The following SEMA6D variants were observed in gnomAD, a reference collection of about 807,000 sequenced individuals.
SEMA6D encodes the protein semaphorin 6D.
Under a neutral mutation model 106.6 loss-of-function variants are expected in SEMA6D, and 35 were observed. That is an observed-to-expected ratio of 0.33 (90% confidence interval 0.25 to 0.44). The LOEUF is 0.44. Among genes scored for constraint, SEMA6D ranks in the 20% least tolerant of loss-of-function variants. The pLI is 1.00. For missense variants in SEMA6D, 1,185 were observed against 1,345.9 expected, an observed-to-expected ratio of 0.88 and a Z score of 1.87; for synonymous variants, 499 against 487.7, an observed-to-expected ratio of 1.02 and a Z score of -0.31.
intron 3 of SEMA6D, among the ~76,000 whole-genome samples, chr15:47,527,141 A>G (rs1490334994): frequency 6.6e-6 from 1 of 152,228 alleles, no homozygotes; most frequent in Non-Finnish European, 1.5e-5. Context: ...CAAACACTTT[A>G]AAGTCCTGTG....
intron 1 of SEMA6D, among the ~76,000 whole-genome samples, chr15:47,232,577 G>A (rs960771885): frequency 6.0e-5 from 9 of 151,098 alleles, no homozygotes; most frequent in Admixed American, 5.3e-4. Context: ...AGCCAAGCTA[G>A]TGGGTATAAA....
intron 1 of SEMA6D, among the ~76,000 whole-genome samples, chr15:47,334,180 G>C (rs906195609): frequency 2.6e-5 from 4 of 152,064 alleles, no homozygotes; most frequent in African/African-American, 4.8e-5. Flanking sequence ...CCTGGAGGGT[G>C]GTGCACCCAG....
intron 1 of SEMA6D, among the ~76,000 whole-genome samples, chr15:47,219,994 C>G (rs544549323): frequency 1.3e-5 from 2 of 152,300 alleles, no homozygotes; most frequent in African/African-American, 4.8e-5. Context: ...CAGGTTCACA[C>G]AGGTTTGTTC....
At chr15:47,378,063 G>A (rs1305937612) in intron 1 of SEMA6D, among the ~76,000 whole-genome samples, 1 of 152,146 alleles carries the variant, frequency 6.6e-6, no homozygotes, top group Non-Finnish European at 1.5e-5. Context: ...CAGCTTGATT[G>A]GTAACAGAAA....
intron 1 of SEMA6D, among the ~76,000 whole-genome samples, chr15:47,213,319 G>T (rs2030226508): frequency 6.6e-6 from 1 of 152,128 alleles, no homozygotes; most frequent in East Asian, 1.9e-4. Flanking sequence ...TGGCTACAGA[G>T]GTGAATTTTT....
At chr15:47,506,939 A>G (rs1047367328) in intron 3 of SEMA6D, among the ~76,000 whole-genome samples, 14 of 151,888 alleles carry the variant, frequency 9.2e-5, no homozygotes, top group South Asian at 2.1e-4. Context: ...GTCAGGCTTT[A>G]GGCATCTACA....
Position 47,227,419 on chromosome 15 carries a change from C to CTCTTTCTTTCTT in SEMA6D, c.-239+43011_-239+43022dup, listed in dbSNP as rs10652948. On this transcript the variant is annotated intron_variant, in intron 1 of 19. Coordinates refer to the SEMA6D transcript ENST00000558014. ...TTCTACCTTATGTCTTTCTTTCTTT[C>CTCTTTCTTTCTT]TCTTTCTTTCTTTCTTTCTTTTCTT... Among the ~76,000 whole-genome samples, 627 of 115,414 alleles carry CTCTTTCTTTCTT rather than the reference C, an allele frequency of 5.4e-3. 6 individuals carry two copies. Among genetic ancestry groups the CTCTTTCTTTCTT allele is most frequent in the East Asian group, 0.014 (66 of 4,654 alleles). 75.7% of individuals were successfully genotyped at this position (115,414 alleles called of 152,430 possible). A position where few individuals can be genotyped will look rare whatever the true frequency, so the allele number is the denominator to read the frequency against.
intron 1 of SEMA6D, among the ~76,000 whole-genome samples, chr15:47,731,350 G>C (rs532940674): frequency 2.6e-5 from 4 of 152,036 alleles, no homozygotes; most frequent in African/African-American, 9.6e-5. Flanking sequence ...AACTGAGAAG[G>C]CAAATGAGTT....
chr15:47,341,744 A>G (rs2037819239), intron 1 of SEMA6D, among the ~76,000 whole-genome samples: 2 of 152,286 alleles, frequency 1.3e-5, no homozygotes, highest in East Asian at 1.9e-4. Context: ...TATTCCAGAA[A>G]AAATTACTCA....
At chr15:47,320,851 G>A (rs533914256) in intron 1 of SEMA6D, among the ~76,000 whole-genome samples, 21 of 151,846 alleles carry the variant, frequency 1.4e-4, no homozygotes, top group African/African-American at 4.1e-4. Context: ...TCTCCAGCCC[G>A]CCCCCCACCT....
intron 4 of SEMA6D, among the ~76,000 whole-genome samples, chr15:47,668,226 A>C (rs1243982360): frequency 6.6e-6 from 1 of 152,204 alleles, no homozygotes; most frequent in African/African-American, 2.4e-5. Flanking sequence ...CTCTGTTAAA[A>C]TAATAATCTA....
At chr15:47,434,549 TA>T (rs2041642452) in intron 2 of SEMA6D, among the ~76,000 whole-genome samples, 1 of 152,118 alleles carries the variant, frequency 6.6e-6, no homozygotes, top group African/African-American at 2.4e-5. Context: ...CAGTGATATA[TA>T]AACATAACTT....
intron 1 of SEMA6D, among the ~76,000 whole-genome samples, chr15:47,370,683 TAAA>T (rs376454672): frequency 0.026 from 2,440 of 95,148 alleles, 67 homozygotes; most frequent in Middle Eastern, 0.056. Flanking sequence ...CGTCTCTACT[TAAA>T]AAAAAAAAAA....
intron 3 of SEMA6D, among the ~76,000 whole-genome samples, chr15:47,560,332 A>G (rs2046041582): frequency 6.6e-6 from 1 of 152,100 alleles, no homozygotes. Flanking sequence ...CATAATAACA[A>G]TGACTCAACA....
At chr15:47,594,497 G>T (rs1287268291) in intron 3 of SEMA6D, among the ~76,000 whole-genome samples, 5 of 152,180 alleles carry the variant, frequency 3.3e-5, no homozygotes, top group Non-Finnish European at 7.3e-5. Context: ...GAGAGAATTT[G>T]CAGGAGACGT....
intron 1 of SEMA6D, among the ~76,000 whole-genome samples, chr15:47,357,755 C>A (rs949558210): frequency 6.6e-6 from 1 of 152,326 alleles, no homozygotes; most frequent in Admixed American, 6.5e-5. Context: ...AACACCCTCA[C>A]AGACACACAA....
At chr15:47,640,031 CAA>C (rs142068495) in intron 4 of SEMA6D, among the ~76,000 whole-genome samples, 2,091 of 152,202 alleles carry the variant, frequency 0.014, 48 homozygotes, top group African/African-American at 0.048. Context: ...TTAATAGTAA[CAA>C]ATGTATCATA....
At chr15:47,197,698 C>T (rs1894453791) in intron 1 of SEMA6D, among the ~76,000 whole-genome samples, 1 of 152,058 alleles carries the variant, frequency 6.6e-6, no homozygotes, top group South Asian at 2.1e-4. Context: ...GGGCTTTTCT[C>T]AGCCTACCAG....
chr15:47,601,561 A>C (rs138624435), intron 4 of SEMA6D, among the ~76,000 whole-genome samples: 1 of 152,344 alleles, frequency 6.6e-6, no homozygotes, highest in African/African-American at 2.4e-5. Context: ...CATATGCTTC[A>C]GAAGGAAAAA....
Sources: allele counts gnomAD v4.1 joint callset (sites outside exome capture counted in the v4.1 genomes callset), GRCh38; gene constraint gnomAD v4.1.1; transcripts MANE v1.5; gene names NCBI Gene and HGNC (gene_info 2026-07-23, HGNC 2026-07-21).